Variants in PBLD observed in about 807,000 individuals in gnomAD.
The protein encoded by PBLD is phenazine biosynthesis like protein domain containing.
PBLD carries 26 observed loss-of-function variants against 31.3 expected under a neutral mutation model. The observed-to-expected ratio is 0.83, with a 90% confidence interval of 0.61 to 1.15. PBLD has a LOEUF of 1.15. PBLD is among the 50% of genes most tolerant of loss of function. The pLI is 0.00. For synonymous variants in PBLD, 114 were observed against 129.0 expected, an observed-to-expected ratio of 0.88 and a Z score of 0.79; for missense variants, 307 against 351.7, an observed-to-expected ratio of 0.87 and a Z score of 1.02.
intron 1 of PBLD, among the ~76,000 whole-genome samples, chr10:68,321,771 A>G (rs2044838212): frequency 6.6e-6 from 1 of 152,212 alleles, no homozygotes; most frequent in Non-Finnish European, 1.5e-5. Context: ...CAATGGCTGA[A>G]GCAAGAACAA....
At position 68,289,008 on chromosome 10, in the gene PBLD, G is replaced by C; in HGVS notation, c.435C>G (p.Gly145=). ...EVEDLIKTAI[G]NTLVQDICYS... ...AACAGATGTCCTGGACCAGTGTGTT[G>C]CCTATGGCAGTCTGTGGAGACAGAC... is the stretch of plus-strand genomic sequence containing the variant. The change falls in exon 7 of 10, where the codon GGC becomes GGG. Residue 145 remains glycine (G), a synonymous_variant. Coordinates refer to ENST00000358769, the MANE Select transcript of PBLD (RefSeq NM_022129.4). 6.2e-7 allele frequency: 1 copy of C among 1,613,914 alleles called. No homozygotes were observed. Among genetic ancestry groups the C allele is most frequent in the Non-Finnish European group, 8.5e-7 (1 of 1,179,922 alleles).
chr10:68,317,706 G>A (rs916011720), intron 1 of PBLD, among the ~76,000 whole-genome samples: 2 of 152,132 alleles, frequency 1.3e-5, no homozygotes, highest in Admixed American at 6.5e-5. Flanking sequence ...GTTGAGGCAC[G>A]AGAATCGGTT....
In PBLD at chr10:68,284,000, G is replaced by A; in HGVS notation, c.*177C>T. 1.9e-6 allele frequency: 1 copy of A among 515,266 alleles called. No homozygotes were observed. Among genetic ancestry groups the A allele is most frequent in the Non-Finnish European group, 3.4e-6 (1 of 291,436 alleles). 31.9% of individuals were successfully genotyped at this position (515,266 alleles called of 1,614,324 possible). A position where few individuals can be genotyped will look rare whatever the true frequency, so the allele number is the denominator to read the frequency against. On this transcript the variant is annotated 3_prime_UTR_variant, in exon 10 of 10. Transcript: ENST00000358769. ...GACCTCAGGTGATCCACCCACCTTG[G>A]CCTCTCAAAGTGCTACGATTACAGG...
At chr10:68,321,692 AC>A (rs2044837299) in intron 1 of PBLD, among the ~76,000 whole-genome samples, 1 of 152,198 alleles carries the variant, frequency 6.6e-6, no homozygotes, top group Non-Finnish European at 1.5e-5. Flanking sequence ...CTCTTCTAGT[AC>A]TACAAAGTAA....
At chr10:68,316,157 C>T (rs752055708) in intron 1 of PBLD, among the ~76,000 whole-genome samples, 2 of 151,980 alleles carry the variant, frequency 1.3e-5, no homozygotes, top group Non-Finnish European at 1.5e-5. Context: ...GTCCCAATGT[C>T]GGGCTTACTA....
intron 1 of PBLD, chr10:68,331,752 C>A (rs748404688): frequency 6.6e-6 from 1 of 152,372 alleles, no homozygotes; most frequent in South Asian, 2.1e-4. Flanking sequence ...CGCTACGGCA[C>A]GGTTCCTTCT....
At chr10:68,289,063 C>T in intron 6 of PBLD, 44 bp from the exon 7 acceptor site, 1 of 1,464,954 alleles carries the variant, frequency 6.8e-7, no homozygotes, top group East Asian at 2.3e-5. Flanking sequence ...TGCCCTGGGC[C>T]AAGTCCTTGA....
At chr10:68,311,428 T>C (rs2044665852) in intron 1 of PBLD, among the ~76,000 whole-genome samples, 1 of 151,608 alleles carries the variant, frequency 6.6e-6, no homozygotes, top group South Asian at 2.1e-4. Flanking sequence ...CTACTAAAAA[T>C]ACAAAAAAGT....
intron 1 of PBLD, among the ~76,000 whole-genome samples, chr10:68,318,064 G>A (rs540832571): frequency 7.9e-5 from 12 of 151,870 alleles, no homozygotes; most frequent in South Asian, 4.2e-4. Flanking sequence ...CGTCTCTACT[G>A]AAAATACAAA....
chr10:68,316,380 G>A (rs79301055), intron 1 of PBLD, among the ~76,000 whole-genome samples: 2,747 of 152,100 alleles, frequency 0.018, 89 homozygotes, highest in African/African-American at 0.063. Context: ...TCCAACAGCA[G>A]GTTTAAGCAA....
chr10:68,299,844 C>T (rs1400802440), intron 2 of PBLD, among the ~76,000 whole-genome samples: 1 of 152,022 alleles, frequency 6.6e-6, no homozygotes, highest in Non-Finnish European at 1.5e-5. Flanking sequence ...CAGAGCAAGA[C>T]TCCATCTCAA....
At chr10:68,303,724 A>G (rs192488167) in intron 2 of PBLD, among the ~76,000 whole-genome samples, 319 of 152,276 alleles carry the variant, frequency 2.1e-3, no homozygotes, top group Non-Finnish European at 3.6e-3. Flanking sequence ...GTGTTCAAAA[A>G]GCTCAAAGCA....
chr10:68,330,711 T>C (rs796371758), intron 1 of PBLD, among the ~76,000 whole-genome samples: 1 of 7,660 alleles, frequency 1.3e-4, no homozygotes, highest in African/African-American at 5.1e-4. Flanking sequence ...ACGCCCGGCG[T>C]GTGTGTGTGT....
chr10:68,329,314 A>G (rs1471380327), intron 1 of PBLD, among the ~76,000 whole-genome samples: 2 of 152,172 alleles, frequency 1.3e-5, no homozygotes, highest in African/African-American at 4.8e-5. Context: ...ATGGCAAGCA[A>G]GCAAGCAAGC....
rs1484192797 is a variant in PBLD, at chr10:68,288,554, T to G, written c.620A>C (p.Gln207Pro). ...ILTLKGEPGG[Q>P]TQAFDFYSRY... ...TGAGTAAAAGTCAAATGCTTGGGTC[T>G]GCCCACCAGGCTCTCCTTTAAGGGT... The change falls in exon 8 of 10, where the codon CAG becomes CCG. Residue 207 changes from glutamine to proline, a missense_variant. Transcript: ENST00000358769. 6.2e-7 allele frequency: 1 copy of G among 1,614,268 alleles called. No individual in the cohort carries two copies. The highest frequency in any genetic ancestry group is 2.2e-5 in the East Asian group (1 of 44,894).
At chr10:68,296,447 T>C in intron 3 of PBLD, 83 bp from the exon 4 acceptor site, 1 of 1,044,138 alleles carries the variant, frequency 9.6e-7, no homozygotes, top group South Asian at 1.4e-5. Context: ...CTTTCCTATA[T>C]AGTTCTCTAG....
At position 68,284,352 on chromosome 10, in the gene PBLD, T is replaced by C. The variant is rs761308039; in HGVS notation, c.755-63A>G. The C allele has an allele frequency of 1.9e-5, 26 of 1,383,686 alleles. No homozygotes were observed. The Middle Eastern group carries it at 9.0e-4, about 48-fold the overall frequency. The allele number at this position is 1,383,686 out of a possible 1,614,324, so 85.7% of individuals were successfully genotyped here. A position where few individuals can be genotyped will look rare whatever the true frequency, so the allele number is the denominator to read the frequency against. On this transcript the variant is annotated intron_variant, in intron 9 of 9. Transcript: ENST00000358769. ...ACCCTTTTAAATTAACAAAGCATAG[T>C]GAAAGACTTATTACAAATCTTAGAG... is the stretch of plus-strand genomic sequence containing the variant.
At chr10:68,288,368 C>T (rs972534177) in intron 8 of PBLD, 115 bp downstream of exon 8, 17 of 1,119,028 alleles carry the variant, frequency 1.5e-5, no homozygotes, top group Non-Finnish European at 2.0e-5. Flanking sequence ...GATAGAGGAA[C>T]AAGGCAGCTC....
At position 68,289,336 on chromosome 10, in the gene PBLD, T is replaced by C. The variant is rs143162966; in HGVS notation, c.424-317A>G. ...TGAGGTCAGGAGCTCGAGACCAGGC[T>C]GGCCAGCATGGCAAAACCCCATCTC... On this transcript the variant is annotated intron_variant, in intron 6 of 9. Coordinates refer to ENST00000358769, the MANE Select transcript of PBLD (RefSeq NM_022129.4). 2.0e-3 allele frequency among the ~76,000 whole-genome samples: 306 copies of C among 152,190 alleles called. 1 individual carries two copies. The highest frequency in any genetic ancestry group is 7.0e-3 in the African/African-American group (292 of 41,536).
Sources: gnomAD v4.1 joint callset for allele counts (sites outside exome capture counted in the v4.1 genomes callset) on GRCh38, gnomAD v4.1.1 for gene constraint, MANE v1.5 for transcripts, NCBI Gene and HGNC (gene_info 2026-07-23, HGNC 2026-07-21) for gene names.